DYNC2H1: variants seen among roughly 807,000 people sequenced by gnomAD.
The protein encoded by DYNC2H1 is dynein cytoplasmic 2 heavy chain 1, also known as cytoplasmic dynein 2 heavy chain 1.
A neutral mutation model predicts 570.0 loss-of-function variants in DYNC2H1; 410 were observed. The observed-to-expected ratio is 0.72, with a 90% CI of 0.66 to 0.78. DYNC2H1 has a LOEUF of 0.78. Ranked by LOEUF, DYNC2H1 falls within the 30% of genes least tolerant of loss-of-function variation. The pLI, the probability that DYNC2H1 is intolerant of heterozygous loss-of-function variation, is 0.00. For missense variants in DYNC2H1, 4,865 were observed against 5,046.4 expected (o/e 0.96, Z 1.09); for synonymous variants, 1,688 against 1,677.6 (o/e 1.01, Z -0.15).
At chr11:103,126,082 T>G (rs1858982591) in intron 12 of DYNC2H1, among the ~76,000 whole-genome samples, 1 of 152,244 alleles carries the variant, frequency 6.6e-6, no homozygotes, top group South Asian at 2.1e-4. Flanking sequence ...ATTATTATAT[T>G]TTAGATGGCA....
At position 103,129,409 on chromosome 11, in the gene DYNC2H1, G is replaced by T. The variant is rs572142754; in HGVS notation, c.1953+404G>T. ...TATATAAGAAATTAGGAGGCTGGGTGCAGTGGCTTACGCCTGTCATCCCAG... is the reference window on the plus strand; with the variant it reads ...TATATAAGAAATTAGGAGGCTGGGTTCAGTGGCTTACGCCTGTCATCCCAG... On this transcript the variant is annotated intron_variant, in intron 13 of 88. Transcript: ENST00000375735. The surrounding 1 kb of genome is among the most constrained non-coding windows in gnomAD (Gnocchi z 4.1). Among the ~76,000 whole-genome samples the T allele has an allele frequency of 2.6e-5, 4 of 152,312 alleles. No homozygotes were observed. In the South Asian group the frequency reaches 6.2e-4, roughly 24 times the overall value.
At position 103,117,712 on chromosome 11, in the gene DYNC2H1, G is replaced by A. The variant is rs755617642; in HGVS notation, c.848G>A (p.Ser283Asn). The change falls in exon 6 of 89, where the codon AGT becomes AAT. Residue 283 changes from serine (S) to asparagine (N), a missense_variant. Ser to Asn is a conservative substitution (Grantham distance 46, BLOSUM62 1). Coordinates refer to ENST00000375735, the MANE Select transcript of DYNC2H1 (RefSeq NM_001377.3). ...GATCCTTATTATCTTGTGAAAGAAA[G>A]TCTGAAAGCTGGTATTTCAATTTGT... ...WEDPYYLVKE[S>N]LKAGISICEQ... The A allele has an allele frequency of 6.2e-7, 1 of 1,612,916 alleles. No individual in the cohort carries two copies. The highest frequency in any genetic ancestry group is 8.5e-7 in the Non-Finnish European group (1 of 1,179,264).
At chr11:103,300,562 C>T (rs911544146) in intron 75 of DYNC2H1, among the ~76,000 whole-genome samples, 11 of 151,868 alleles carry the variant, frequency 7.2e-5, no homozygotes, top group Non-Finnish European at 1.5e-5. Flanking sequence ...ACATATAATT[C>T]CAAGTAACAT....
At chr11:103,410,494 G>C (rs1943040140) in intron 84 of DYNC2H1, among the ~76,000 whole-genome samples, 1 of 152,098 alleles carries the variant, frequency 6.6e-6, no homozygotes, top group Non-Finnish European at 1.5e-5. Context: ...GGGGTTTATA[G>C]ATTATAGAAC....
intron 70 of DYNC2H1, among the ~76,000 whole-genome samples, chr11:103,267,351 G>A (rs1591498362): frequency 6.7e-6 from 1 of 149,360 alleles, no homozygotes; most frequent in Non-Finnish European, 1.5e-5. Context: ...GTTCCACCTG[G>A]TTGCATCTAG....
At chr11:103,144,157 G>T (rs985142252) in intron 18 of DYNC2H1, among the ~76,000 whole-genome samples, 1 of 152,160 alleles carries the variant, frequency 6.6e-6, no homozygotes, top group Admixed American at 6.5e-5. Flanking sequence ...ACACACAGGG[G>T]TTAAGTAAGT....
chr11:103,332,094 A>G (rs1938836463), intron 82 of DYNC2H1, among the ~76,000 whole-genome samples: 1 of 152,118 alleles, frequency 6.6e-6, no homozygotes. Flanking sequence ...TCCGATGAAA[A>G]AGCATAATAT....
intron 85 of DYNC2H1, among the ~76,000 whole-genome samples, chr11:103,436,371 T>TA (rs1330908274): frequency 6.6e-6 from 1 of 152,064 alleles, no homozygotes; most frequent in African/African-American, 2.4e-5. Flanking sequence ...GGGGAGCTGC[T>TA]TTAAAAAAGT....
intron 73 of DYNC2H1, among the ~76,000 whole-genome samples, chr11:103,285,424 CTTTTTTTTTT>C (rs60667279): frequency 2.2e-5 from 3 of 137,018 alleles, no homozygotes; most frequent in African/African-American, 8.1e-5. Context: ...TTTTTCTTTT[CTTTTTTTTTT>C]TTTTTTGAGA....
At chr11:103,218,528 A>T (rs1243070003) in intron 55 of DYNC2H1, among the ~76,000 whole-genome samples, 1 of 152,164 alleles carries the variant, frequency 6.6e-6, no homozygotes, top group Non-Finnish European at 1.5e-5. Context: ...AATTATTTTG[A>T]CCTTAAAAGA....
intron 34 of DYNC2H1, among the ~76,000 whole-genome samples, chr11:103,172,116 G>A (rs1267225216): frequency 6.6e-6 from 1 of 152,122 alleles, no homozygotes; most frequent in African/African-American, 2.4e-5. Context: ...TGTAAGACCA[G>A]TTCTAAATTG....
chr11:103,444,886 T>C (rs1305509275), intron 85 of DYNC2H1, among the ~76,000 whole-genome samples: 1 of 152,198 alleles, frequency 6.6e-6, no homozygotes, highest in Admixed American at 6.5e-5. Context: ...CCATTATGTA[T>C]GAGTCCATGT....
chr11:103,310,673 C>CTTTTTTTTTTT (rs748144270), intron 78 of DYNC2H1, among the ~76,000 whole-genome samples: 3 of 39,110 alleles, frequency 7.7e-5, no homozygotes, highest in Non-Finnish European at 1.7e-4. Context: ...AGTGTATTTT[C>CTTTTTTTTTTT]TTTTTTTTTT....
At chr11:103,436,763 A>C (rs1394725777) in intron 85 of DYNC2H1, among the ~76,000 whole-genome samples, 1 of 152,036 alleles carries the variant, frequency 6.6e-6, no homozygotes, top group African/African-American at 2.4e-5. Context: ...GCCACATTTC[A>C]TTCTCAATTT....
At chr11:103,400,395 A>C (rs536648766) in intron 84 of DYNC2H1, among the ~76,000 whole-genome samples, 29 of 152,314 alleles carry the variant, frequency 1.9e-4, no homozygotes, top group African/African-American at 6.0e-4. Context: ...TTTGCCTTTA[A>C]CACATATACT....
intron 79 of DYNC2H1, among the ~76,000 whole-genome samples, chr11:103,315,382 G>C (rs1004821919): frequency 2.6e-5 from 4 of 152,020 alleles, no homozygotes; most frequent in African/African-American, 9.7e-5. Context: ...TAAATGCTTT[G>C]TTAAGCTTTT....
chr11:103,463,577 C>G (rs1945093734), intron 87 of DYNC2H1, among the ~76,000 whole-genome samples: 1 of 152,092 alleles, frequency 6.6e-6, no homozygotes. Context: ...TGGAAGAACC[C>G]TGTTTCTACT....
chr11:103,294,027 C>T (rs576617032), intron 75 of DYNC2H1, among the ~76,000 whole-genome samples: 16 of 152,014 alleles, frequency 1.1e-4, no homozygotes, highest in African/African-American at 2.2e-4. Flanking sequence ...TGCACTGAGC[C>T]GAGATTACAC....
intron 65 of DYNC2H1, among the ~76,000 whole-genome samples, chr11:103,248,855 A>G (rs962496038): frequency 6.6e-6 from 1 of 151,982 alleles, no homozygotes; most frequent in South Asian, 2.1e-4. Context: ...AGCACCCCAA[A>G]TGTTCATTCC....
Sources: gnomAD v4.1 joint callset for allele counts (sites outside exome capture counted in the v4.1 genomes callset) on GRCh38, gnomAD v4.1.1 for gene constraint, Gnocchi (gnomAD v3.1) non-coding constraint, MANE v1.5 for transcripts, NCBI Gene and HGNC (gene_info 2026-07-23, HGNC 2026-07-21) for gene names.